Variants in LRRTM4 observed in about 807,000 individuals in gnomAD.
LRRTM4 encodes the protein leucine-rich repeat transmembrane neuronal protein 4.
LRRTM4 carries 25 observed loss-of-function variants against 47.6 expected under a neutral mutation model. That is an observed-to-expected ratio of 0.53 (90% CI 0.38 to 0.73). The LOEUF (loss-of-function observed/expected upper bound fraction) is 0.73, where lower values mean the gene tolerates loss of function less well. Ranked by LOEUF, LRRTM4 falls within the 30% of genes least tolerant of loss-of-function variation. LRRTM4 has a pLI of 0.00. For synonymous variants in LRRTM4, 311 were observed against 269.5 expected (o/e 1.15, Z -1.51); for missense variants, 638 against 713.4 (o/e 0.89, Z 1.20).
At chr2:77,230,720 A>T (rs1674938808) in intron 3 of LRRTM4, among the ~76,000 whole-genome samples, 1 of 152,212 alleles carries the variant, frequency 6.6e-6, no homozygotes, top group Non-Finnish European at 1.5e-5. Flanking sequence ...GAACAGAGTA[A>T]GTCCTCAGTT....
At chr2:77,222,294 T>C (rs552654897) in intron 3 of LRRTM4, among the ~76,000 whole-genome samples, 2 of 151,942 alleles carry the variant, frequency 1.3e-5, no homozygotes, top group African/African-American at 2.4e-5. Context: ...ACAATTAAAA[T>C]AACTAGAGAA....
At chr2:77,108,578 C>CTTTTTTTTTTTTTTTTTTTTTTTTTT (rs200805423) in intron 3 of LRRTM4, among the ~76,000 whole-genome samples, 1 of 142,948 alleles carries the variant, frequency 7.0e-6, no homozygotes, top group African/African-American at 2.6e-5. Context: ...CACAAACATT[C>CTTTTTTTTTTTTTTTTTTTTTTTTTT]TTTTTTTTTT....
intron 3 of LRRTM4, among the ~76,000 whole-genome samples, chr2:77,306,892 T>C (rs966367604): frequency 2.1e-5 from 3 of 143,728 alleles, no homozygotes; most frequent in African/African-American, 8.5e-5. Flanking sequence ...ATACTGCTTT[T>C]CCATATTTTT....
chr2:77,202,988 G>A (rs1674018938), intron 3 of LRRTM4, among the ~76,000 whole-genome samples: 1 of 151,830 alleles, frequency 6.6e-6, no homozygotes, highest in East Asian at 1.9e-4. Context: ...TTCCCCACCT[G>A]GCTGGTTTCG....
At chr2:77,076,497 C>T (rs191344347) in intron 3 of LRRTM4, among the ~76,000 whole-genome samples, 1 of 152,176 alleles carries the variant, frequency 6.6e-6, no homozygotes, top group Non-Finnish European at 1.5e-5. Context: ...ATTACAGTAA[C>T]AACTGTCACG....
chr2:76,939,153 GA>G (rs34196243), intron 3 of LRRTM4, among the ~76,000 whole-genome samples: 28 of 150,716 alleles, frequency 1.9e-4, no homozygotes, highest in Middle Eastern at 3.4e-3. Context: ...ACCTGTTACT[GA>G]AAAAAAAATG....
In LRRTM4 at chr2:76,747,713, A is replaced by C. The variant is rs1672694708; in HGVS notation, c.*982T>G. The C allele has an allele frequency of 6.6e-6, 1 of 152,230 alleles. No homozygotes were observed. Among genetic ancestry groups the C allele is most frequent in the Non-Finnish European group, 1.5e-5 (1 of 68,042 alleles). The allele number at this position is 152,230 out of a possible 1,614,324, so 9.4% of individuals were successfully genotyped here. A position where few individuals can be genotyped will look rare whatever the true frequency, so the allele number is the denominator to read the frequency against. On this transcript the variant is annotated 3_prime_UTR_variant, in exon 4 of 4. Coordinates refer to ENST00000409884, the MANE Select transcript of LRRTM4 (RefSeq NM_001134745.3). ...GGTGGGCTGTGGTATACCAACCACA[A>C]AATAATATATTTATTTTTCAATATT...
intron 3 of LRRTM4, among the ~76,000 whole-genome samples, chr2:77,029,911 G>A (rs1469272789): frequency 6.6e-6 from 1 of 151,978 alleles, no homozygotes; most frequent in African/African-American, 2.4e-5. Context: ...GGACTCAGGG[G>A]GAAATTAAAA....
intron 3 of LRRTM4, among the ~76,000 whole-genome samples, chr2:76,910,276 C>T (rs940653837): frequency 1.4e-5 from 2 of 143,542 alleles, no homozygotes; most frequent in Non-Finnish European, 1.5e-5. Context: ...TATTCTCACT[C>T]ATAGGTGGGA....
chr2:77,008,763 T>G (rs1475957486), intron 3 of LRRTM4, among the ~76,000 whole-genome samples: 1 of 152,094 alleles, frequency 6.6e-6, no homozygotes, highest in Non-Finnish European at 1.5e-5. Context: ...AATGTACCAT[T>G]TTTATAATTG....
At chr2:76,887,381 G>A (rs1013085622) in intron 3 of LRRTM4, among the ~76,000 whole-genome samples, 4 of 150,764 alleles carry the variant, frequency 2.7e-5, no homozygotes, top group East Asian at 1.9e-4. Context: ...CCTGCACCAA[G>A]GCCAATACCA....
At chr2:77,211,015 A>G (rs548819593) in intron 3 of LRRTM4, among the ~76,000 whole-genome samples, 11 of 152,240 alleles carry the variant, frequency 7.2e-5, no homozygotes, top group African/African-American at 2.4e-4. Context: ...TCCAACAGAA[A>G]AAAGCTCCCC....
chr2:76,935,204 T>C (rs1674902294), intron 3 of LRRTM4, among the ~76,000 whole-genome samples: 1 of 152,186 alleles, frequency 6.6e-6, no homozygotes, highest in Non-Finnish European at 1.5e-5. Flanking sequence ...GGGACACATA[T>C]TCTTTCAGGC....
chr2:77,011,538 T>C lies in LRRTM4; in HGVS notation c.1552-262622A>G, dbSNP rs1325239768. 5.9e-3 allele frequency among the ~76,000 whole-genome samples: 345 copies of C among 58,788 alleles called. 4 individuals are homozygous for C. The highest frequency in any genetic ancestry group is 0.04 in the South Asian group (69 of 1,744). The allele number at this position is 58,788 out of a possible 152,430, so 38.6% of individuals were successfully genotyped here. On this transcript the variant is annotated intron_variant, in intron 3 of 3. Coordinates refer to ENST00000409884, the MANE Select transcript of LRRTM4 (RefSeq NM_001134745.3). ...GCAACTAGGAAGAAGCATTTGTGTG[T>C]GTGTGTGTGTGTGTGTGTGTGTGTG...
At chr2:77,042,219 A>G (rs1679058130) in intron 3 of LRRTM4, among the ~76,000 whole-genome samples, 1 of 151,448 alleles carries the variant, frequency 6.6e-6, no homozygotes, top group African/African-American at 2.4e-5. Context: ...AGAAATATAT[A>G]CTGACATATT....
chr2:77,331,243 T>A (rs1477403487), intron 3 of LRRTM4, among the ~76,000 whole-genome samples: 1 of 152,186 alleles, frequency 6.6e-6, no homozygotes, highest in Admixed American at 6.5e-5. Context: ...ATGTATATTC[T>A]TTCCATAATA....
At chr2:77,422,066 G>A (rs1430367793) in intron 3 of LRRTM4, among the ~76,000 whole-genome samples, 1 of 152,154 alleles carries the variant, frequency 6.6e-6, no homozygotes, top group East Asian at 1.9e-4. Flanking sequence ...TAGAGCTTAT[G>A]CCTGTGGTAG....
chr2:77,028,385 G>C (rs567633793), intron 3 of LRRTM4, among the ~76,000 whole-genome samples: 1 of 152,246 alleles, frequency 6.6e-6, no homozygotes, highest in Non-Finnish European at 1.5e-5. Flanking sequence ...ATGTTGAGTT[G>C]AGATGAACTT....
chr2:77,450,540 G>A (rs908216113), intron 3 of LRRTM4, among the ~76,000 whole-genome samples: 1 of 152,008 alleles, frequency 6.6e-6, no homozygotes, highest in Admixed American at 6.6e-5. Flanking sequence ...GCTGAATAAA[G>A]ATAAAGTGTA....
Sources: gnomAD v4.1 joint callset for allele counts (sites outside exome capture counted in the v4.1 genomes callset) on GRCh38, gnomAD v4.1.1 for gene constraint, MANE v1.5 for transcripts, NCBI Gene and HGNC (gene_info 2026-07-23, HGNC 2026-07-21) for gene names.